Variants in ANTXR1 observed in about 807,000 individuals in gnomAD.
The protein encoded by ANTXR1 is ANTXR cell adhesion molecule 1.
In ANTXR1, 19 loss-of-function variants were observed where a neutral mutation model predicts 78.1. That is an observed-to-expected ratio of 0.24 (90% confidence interval 0.17 to 0.36). The LOEUF is 0.36. ANTXR1 is among the 10% of genes least tolerant of loss of function. The pLI is 1.00. For synonymous variants in ANTXR1, 273 were observed against 260.5 expected, an observed-to-expected ratio of 1.05 and a Z score of -0.46; for missense variants, 518 against 718.6, an observed-to-expected ratio of 0.72 and a Z score of 3.19.
chr2:69,216,550 A>G (rs1442922978), intron 17 of ANTXR1, among the ~76,000 whole-genome samples: 2 of 152,096 alleles, frequency 1.3e-5, no homozygotes, highest in East Asian at 3.9e-4. Flanking sequence ...CAGAATCACT[A>G]AGTGCTCCTG....
At chr2:69,141,229 G>A (rs1039227388) in intron 12 of ANTXR1, among the ~76,000 whole-genome samples, 3 of 152,184 alleles carry the variant, frequency 2.0e-5, no homozygotes, top group African/African-American at 4.8e-5. Flanking sequence ...TGGCTTGGAC[G>A]TAGAAGGAAA....
Position 69,077,494 on chromosome 2 carries a change from T to C in ANTXR1, c.642+6T>C. 6.2e-7 allele frequency: 1 copy of C among 1,614,044 alleles called. No individual in the cohort carries two copies. The highest frequency in any genetic ancestry group is 1.3e-5 in the African/African-American group (1 of 75,042). On this transcript the variant is annotated splice_donor_region_variant and intron_variant, in intron 8 of 17. Transcript: ENST00000303714. ...TGCAAGGCATCATCCACTCAGTAAG[T>C]AGAGCTCTTCCTCTGAGACTAGACA...
At chr2:69,188,574 T>TA (rs1674478553) in intron 16 of ANTXR1, among the ~76,000 whole-genome samples, 1 of 152,254 alleles carries the variant, frequency 6.6e-6, no homozygotes, top group Non-Finnish European at 1.5e-5. Context: ...ATTTCTCATT[T>TA]TATAGTCAAA....
chr2:69,245,075 T>G (rs1043851328), intron 17 of ANTXR1, 150 bp from the exon 18 acceptor site: 15 of 879,008 alleles, frequency 1.7e-5, no homozygotes, highest in Non-Finnish European at 2.9e-5. Flanking sequence ...GGGAGCTCAC[T>G]TGTCCTCAAG....
At chr2:69,219,470 T>A (rs1036754381) in intron 17 of ANTXR1, among the ~76,000 whole-genome samples, 1 of 150,140 alleles carries the variant, frequency 6.7e-6, no homozygotes, top group Non-Finnish European at 1.5e-5. Flanking sequence ...CAACTGGCTA[T>A]GAGTACATCT....
rs5831965 is a variant in ANTXR1, at chr2:69,176,171, TAAA to T, written c.1090-5602_1090-5600del. On this transcript the variant is annotated intron_variant, in intron 14 of 17. Coordinates refer to ENST00000303714, the MANE Select transcript of ANTXR1 (RefSeq NM_032208.3). Reference sequence around the variant, plus strand: ...TTCCGTATTCTATGTTTTAATACTTTAAAAAAAAAAAAAAAGAACATTGCTGCT... The same window carrying T: ...TTCCGTATTCTATGTTTTAATACTTTAAAAAAAAAAAAGAACATTGCTGCT... Among the ~76,000 whole-genome samples the T allele has an allele frequency of 2.1e-4, 29 of 139,314 alleles. 1 individual carries two copies. Among genetic ancestry groups the T allele is most frequent in the Admixed American group, 1.3e-3 (18 of 13,892 alleles). 91.4% of individuals were successfully genotyped at this position (139,314 alleles called of 152,430 possible).
chr2:69,157,908 T>C (rs941314993), intron 13 of ANTXR1, among the ~76,000 whole-genome samples: 5 of 152,218 alleles, frequency 3.3e-5, no homozygotes, highest in African/African-American at 7.2e-5. Flanking sequence ...TCTTGAGTGT[T>C]CAGCGGCCGT....
intron 8 of ANTXR1, chr2:69,090,584 A>T: frequency 2.0e-6 from 1 of 509,502 alleles, no homozygotes; most frequent in South Asian, 2.1e-5. Context: ...AAAAACTAGG[A>T]CTGGCATAGC....
intron 3 of ANTXR1, among the ~76,000 whole-genome samples, chr2:69,065,043 A>G (rs1323273910): frequency 6.6e-6 from 1 of 152,156 alleles, no homozygotes; most frequent in East Asian, 1.9e-4. Context: ...GAAAATAGAC[A>G]TATAATAGAA....
At chr2:69,174,518 A>C (rs1387004848) in intron 14 of ANTXR1, among the ~76,000 whole-genome samples, 1 of 152,182 alleles carries the variant, frequency 6.6e-6, no homozygotes, top group Non-Finnish European at 1.5e-5. Context: ...CTAGCTGATC[A>C]GGAGGCTAAG....
intron 17 of ANTXR1, among the ~76,000 whole-genome samples, chr2:69,203,477 C>G (rs1463855409): frequency 6.6e-6 from 1 of 152,174 alleles, no homozygotes; most frequent in African/African-American, 2.4e-5. Flanking sequence ...TACCCAAAAC[C>G]TGCAAAGTTA....
chr2:69,095,428 C>G (rs1195694015), intron 9 of ANTXR1, among the ~76,000 whole-genome samples: 2 of 152,150 alleles, frequency 1.3e-5, no homozygotes, highest in African/African-American at 2.4e-5. Flanking sequence ...AGCACTGTAG[C>G]AGAAGTCTGC....
intron 10 of ANTXR1, among the ~76,000 whole-genome samples, chr2:69,112,039 TATC>T (rs776077556): frequency 6.6e-6 from 1 of 152,184 alleles, no homozygotes; most frequent in Non-Finnish European, 1.5e-5. Flanking sequence ...AGGGATTTTA[TATC>T]ATGTGAAGGT....
intron 3 of ANTXR1, among the ~76,000 whole-genome samples, chr2:69,059,519 C>A (rs550215979): frequency 1.1e-3 from 171 of 151,508 alleles, no homozygotes; most frequent in African/African-American, 4.0e-3. Context: ...GCTCTTGTTG[C>A]CCAGGCTGGA....
At chr2:69,126,071 A>G (rs1177376900) in intron 12 of ANTXR1, among the ~76,000 whole-genome samples, 10 of 152,166 alleles carry the variant, frequency 6.6e-5, no homozygotes, top group Non-Finnish European at 1.5e-4. Context: ...TGTCCTTAAT[A>G]CCATCACAGT....
chr2:69,053,140 A>T (rs1221067203), intron 3 of ANTXR1, among the ~76,000 whole-genome samples: 1 of 152,158 alleles, frequency 6.6e-6, no homozygotes, highest in Non-Finnish European at 1.5e-5. Flanking sequence ...TCTTCTTCCC[A>T]ACTGCTGAGA....
chr2:69,244,628 T>C (rs1558671324), intron 17 of ANTXR1, among the ~76,000 whole-genome samples: 1 of 152,224 alleles, frequency 6.6e-6, no homozygotes, highest in Non-Finnish European at 1.5e-5. Flanking sequence ...TCACAGAATC[T>C]AGCTACATCC....
rs145803735 is a variant in ANTXR1, at chr2:69,151,993, C to T, written c.952-176C>T. ...TCATTTCCCTTGAAAATTGGCTAAA[C>T]AGAGTGTGTTGCAGGGCCATGAGCC... On this transcript the variant is annotated intron_variant, in intron 12 of 17. Transcript: ENST00000303714. Among the ~76,000 whole-genome samples the T allele has an allele frequency of 1.5e-3, 222 of 152,334 alleles. 1 individual carries two copies. Among genetic ancestry groups the T allele is most frequent in the East Asian group, 0.013 (67 of 5,184 alleles).
intron 17 of ANTXR1, among the ~76,000 whole-genome samples, chr2:69,228,874 A>G (rs752927605): frequency 2.0e-5 from 3 of 152,168 alleles, no homozygotes; most frequent in Admixed American, 6.5e-5. Flanking sequence ...ACAAAATACT[A>G]TGGACTGTGG....
Sources: allele counts gnomAD v4.1 joint callset (sites outside exome capture counted in the v4.1 genomes callset), GRCh38; gene constraint gnomAD v4.1.1; transcripts MANE v1.5; gene names NCBI Gene and HGNC (gene_info 2026-07-23, HGNC 2026-07-21).